Variants in ANKRD55 observed in about 807,000 individuals in gnomAD.
ANKRD55 encodes the protein ankyrin repeat domain-containing protein 55.
Under a neutral mutation model 60.6 loss-of-function variants are expected in ANKRD55, and 41 were observed. The observed-to-expected ratio is 0.68, with a 90% CI of 0.53 to 0.88. ANKRD55 has a LOEUF of 0.88. ANKRD55 is among the 40% of genes least tolerant of loss of function. The probability of loss-of-function intolerance (pLI) is 0.00; values close to 1 mark genes in which losing one functional copy is unlikely to be tolerated. For synonymous variants in ANKRD55, 264 were observed against 290.3 expected, an observed-to-expected ratio of 0.91 and a Z score of 0.92; for missense variants, 732 against 767.6, an observed-to-expected ratio of 0.95 and a Z score of 0.55.
chr5:56,121,374 CT>C (rs35793814), intron 8 of ANKRD55, among the ~76,000 whole-genome samples: 45,404 of 130,122 alleles, frequency 0.35, 6,352 homozygotes, highest in African/African-American at 0.38. Context: ...TGTTCCACCA[CT>C]TTTTTTTTTT....
At chr5:56,105,358 A>T (rs1756427434) in intron 10 of ANKRD55, among the ~76,000 whole-genome samples, 2 of 152,184 alleles carry the variant, frequency 1.3e-5, no homozygotes, top group South Asian at 4.1e-4. Flanking sequence ...AAGTGTTGGG[A>T]TTACAGGCGT....
chr5:56,162,301 T>C (rs1448625883), intron 5 of ANKRD55, among the ~76,000 whole-genome samples: 1 of 152,186 alleles, frequency 6.6e-6, no homozygotes, highest in Admixed American at 6.5e-5. Context: ...CTATTTGGCT[T>C]TCAAAGCCAT....
intron 7 of ANKRD55, among the ~76,000 whole-genome samples, chr5:56,141,771 A>C (rs902755376): frequency 6.6e-6 from 1 of 152,250 alleles, no homozygotes; most frequent in Non-Finnish European, 1.5e-5. Context: ...GCATGGGTAT[A>C]ATAACTAAGT....
At chr5:56,144,159 A>G (rs991083844) in intron 6 of ANKRD55, among the ~76,000 whole-genome samples, 4 of 152,216 alleles carry the variant, frequency 2.6e-5, no homozygotes, top group Non-Finnish European at 5.9e-5. Flanking sequence ...GGTAAATGAG[A>G]TCCTTACCCT....
chr5:56,139,131 C>T (rs895511119), intron 7 of ANKRD55, among the ~76,000 whole-genome samples: 12 of 152,134 alleles, frequency 7.9e-5, no homozygotes, highest in African/African-American at 2.9e-4. Flanking sequence ...TGCAATCTTC[C>T]TCTCAATTTT....
chr5:56,130,363 C>T (rs760611733), intron 7 of ANKRD55, among the ~76,000 whole-genome samples: 1 of 152,266 alleles, frequency 6.6e-6, no homozygotes, highest in East Asian at 1.9e-4. Context: ...GAACAATACC[C>T]AACTCCAGCC....
chr5:56,200,023 G>A lies in ANKRD55; in HGVS notation c.59-16389C>T, dbSNP rs369734426. ...ATATATATGAAATGTGTAAAAGTCCGTAAAAGCCTGGAAGAACGTGCATCA... is the reference window on the plus strand; with the variant it reads ...ATATATATGAAATGTGTAAAAGTCCATAAAAGCCTGGAAGAACGTGCATCA... On this transcript the variant is annotated intron_variant, in intron 2 of 11. Transcript: ENST00000341048. Among the ~76,000 whole-genome samples, 477 of 152,200 alleles carry A rather than the reference G, an allele frequency of 3.1e-3. 4 individuals are homozygous for A. Among genetic ancestry groups the A allele is most frequent in the African/African-American group, 0.01 (416 of 41,512 alleles).
chr5:56,167,814 G>T (rs960393714), intron 5 of ANKRD55, among the ~76,000 whole-genome samples: 1 of 152,226 alleles, frequency 6.6e-6, no homozygotes, highest in South Asian at 2.1e-4. Flanking sequence ...CTCAAGAGTC[G>T]AGGAGTACTG....
In ANKRD55 at chr5:56,120,091, C is replaced by T. The variant is rs182946146; in HGVS notation, c.798-3309G>A. 2.1e-3 allele frequency among the ~76,000 whole-genome samples: 313 copies of T among 150,622 alleles called. 1 individual carries two copies. Among genetic ancestry groups the T allele is most frequent in the African/African-American group, 7.3e-3 (301 of 41,032 alleles). On this transcript the variant is annotated intron_variant, in intron 8 of 11. Coordinates refer to ENST00000341048, the MANE Select transcript of ANKRD55 (RefSeq NM_024669.3). ...CTTGCTCTGTTGCCAGGCTGGAGTGCAGTGGTGCAATCTCAGCTCACTGAA... is the reference window on the plus strand; with the variant it reads ...CTTGCTCTGTTGCCAGGCTGGAGTGTAGTGGTGCAATCTCAGCTCACTGAA...
chr5:56,106,420 CTTTTTT>C lies in ANKRD55; in HGVS notation c.1631-3840_1631-3835del, dbSNP rs71602938. On this transcript the variant is annotated intron_variant, in intron 10 of 11. Transcript: ENST00000341048. The stretch of plus-strand genomic sequence containing the variant: ...AATAAAATCCGTAAGGCTAGGAAAG[CTTTTTT>C]TTTTTTTTTTTTTTTTTGAGACATA... Among the ~76,000 whole-genome samples the C allele has an allele frequency of 2.2e-3, 214 of 96,896 alleles. 6 individuals are homozygous for C. Among genetic ancestry groups the C allele is most frequent in the African/African-American group, 9.5e-3 (162 of 17,134 alleles). 63.6% of individuals were successfully genotyped at this position (96,896 alleles called of 152,430 possible).
chr5:56,211,284 G>A (rs569467720), intron 2 of ANKRD55, among the ~76,000 whole-genome samples: 1 of 152,284 alleles, frequency 6.6e-6, no homozygotes, highest in South Asian at 2.1e-4. Context: ...GATCTTTTCA[G>A]GACCGTTTCA....
intron 5 of ANKRD55, among the ~76,000 whole-genome samples, chr5:56,167,778 C>T (rs1308010388): frequency 6.6e-6 from 1 of 152,184 alleles, no homozygotes; most frequent in East Asian, 1.9e-4. Flanking sequence ...CTCTGCTCTC[C>T]TAGTTATAGC....
chr5:56,105,085 CTTT>C (rs755695417), intron 10 of ANKRD55, among the ~76,000 whole-genome samples: 9 of 123,344 alleles, frequency 7.3e-5, no homozygotes, highest in Admixed American at 2.4e-4. Flanking sequence ...TGGAGCTATT[CTTT>C]TTTTTTTTTT....
At chr5:56,186,541 A>T (rs1035403610) in intron 2 of ANKRD55, among the ~76,000 whole-genome samples, 1 of 152,208 alleles carries the variant, frequency 6.6e-6, no homozygotes, top group Non-Finnish European at 1.5e-5. Flanking sequence ...TGAGGAAAAA[A>T]ATGAATTAAT....
At chr5:56,162,628 G>T (rs1029634778) in intron 5 of ANKRD55, among the ~76,000 whole-genome samples, 4 of 151,674 alleles carry the variant, frequency 2.6e-5, no homozygotes, top group Non-Finnish European at 5.9e-5. Context: ...TGGGGTAGGG[G>T]GTTAGAACAT....
intron 2 of ANKRD55, among the ~76,000 whole-genome samples, chr5:56,204,607 G>T (rs1759458497): frequency 1.3e-5 from 2 of 152,126 alleles, no homozygotes; most frequent in South Asian, 4.1e-4. Context: ...CTTCTGCCAT[G>T]ATTGTAAGTT....
At chr5:56,177,352 C>T (rs1189906026) in intron 3 of ANKRD55, among the ~76,000 whole-genome samples, 1 of 152,130 alleles carries the variant, frequency 6.6e-6, no homozygotes, top group Non-Finnish European at 1.5e-5. Context: ...TCCTTCCTTT[C>T]CCTTCCTCCC....
intron 2 of ANKRD55, among the ~76,000 whole-genome samples, chr5:56,216,282 G>A (rs1759806031): frequency 6.6e-6 from 1 of 152,074 alleles, no homozygotes; most frequent in African/African-American, 2.4e-5. Flanking sequence ...ATGGATAAAT[G>A]TGTTCTCTGA....
At chr5:56,155,580 G>C (rs1758170651) in intron 6 of ANKRD55, among the ~76,000 whole-genome samples, 1 of 152,130 alleles carries the variant, frequency 6.6e-6, no homozygotes, top group African/African-American at 2.4e-5. Flanking sequence ...TTAAGTATGA[G>C]GGACTCCATT....
Sources: gnomAD v4.1 joint callset for allele counts (sites outside exome capture counted in the v4.1 genomes callset) on GRCh38, gnomAD v4.1.1 for gene constraint, MANE v1.5 for transcripts, NCBI Gene and HGNC (gene_info 2026-07-23, HGNC 2026-07-21) for gene names.